The following PHF21A variants were observed in gnomAD, a reference collection of about 807,000 sequenced individuals.
The protein encoded by PHF21A is PHD finger protein 21A.
In PHF21A, 11 loss-of-function variants were observed where a neutral mutation model predicts 82.5. The ratio of observed to expected loss-of-function variants is 0.13; its 90% CI spans 0.08 to 0.22. PHF21A has a LOEUF of 0.22. Ranked by LOEUF, PHF21A falls within the 10% of genes least tolerant of loss-of-function variation. PHF21A has a pLI of 1.00. For missense variants in PHF21A, 579 were observed against 837.8 expected (o/e 0.69, Z 3.81); for synonymous variants, 297 against 302.8 (o/e 0.98, Z 0.20).
At chr11:46,034,801 G>T (rs115749090) in intron 6 of PHF21A, among the ~76,000 whole-genome samples, 4,312 of 152,218 alleles carry the variant, frequency 0.028, 68 homozygotes, top group African/African-American at 0.039. Flanking sequence ...CAGTTTCCCA[G>T]GATATAGTGA....
chr11:46,017,812 A>T (rs1592047521), intron 6 of PHF21A, among the ~76,000 whole-genome samples: 1 of 152,246 alleles, frequency 6.6e-6, no homozygotes, highest in East Asian at 1.9e-4. Flanking sequence ...AGAAAAGGCT[A>T]TCAAACAGCA....
At chr11:46,102,526 A>G (rs1312044287) in intron 1 of PHF21A, among the ~76,000 whole-genome samples, 2 of 152,192 alleles carry the variant, frequency 1.3e-5, no homozygotes, top group Admixed American at 1.3e-4. Context: ...GCAATTCACA[A>G]CACCAAAATT....
chr11:46,084,236 T>C lies in PHF21A; in HGVS notation c.-17A>G, dbSNP rs1228116854. On this transcript the variant is annotated 5_prime_UTR_variant, in exon 4 of 19. Transcript: ENST00000676320. ...CAACTCCATCCTCTACCTTCTCCAC[T>C]TTCTCTGCTAATTCTATAGTTTCTT... 9 of 1,590,216 alleles carry C rather than the reference T, an allele frequency of 5.7e-6. No individual in the cohort carries two copies. The highest frequency in any genetic ancestry group is 1.8e-5 in the Admixed American group (1 of 55,102).
At chr11:46,111,118 G>C (rs1043359488) in intron 1 of PHF21A, among the ~76,000 whole-genome samples, 3 of 151,670 alleles carry the variant, frequency 2.0e-5, no homozygotes, top group African/African-American at 7.3e-5. Flanking sequence ...ACTATGTGGG[G>C]GGGGAGGCTA....
chr11:45,979,191 G>C (rs1392195929), intron 7 of PHF21A, among the ~76,000 whole-genome samples: 2 of 151,826 alleles, frequency 1.3e-5, no homozygotes, highest in African/African-American at 4.8e-5. Context: ...TAATTTTTTT[G>C]TATTTTTAGT....
intron 4 of PHF21A, among the ~76,000 whole-genome samples, chr11:46,082,409 C>T (rs973314107): frequency 6.6e-6 from 1 of 152,100 alleles, no homozygotes; most frequent in African/African-American, 2.4e-5. Flanking sequence ...GATCAACAAT[C>T]GTGTAGGTGA....
chr11:46,073,258 G>A (rs982553435), intron 6 of PHF21A, among the ~76,000 whole-genome samples: 9 of 151,838 alleles, frequency 5.9e-5, no homozygotes, highest in Non-Finnish European at 1.2e-4. Flanking sequence ...AACCCAGGAG[G>A]CGGAGCTTGC....
intron 6 of PHF21A, among the ~76,000 whole-genome samples, chr11:46,075,646 C>G (rs2096716426): frequency 6.6e-6 from 1 of 152,112 alleles, no homozygotes; most frequent in Admixed American, 6.6e-5. Flanking sequence ...GTGGAGAAGA[C>G]AAGATGGGGA....
chr11:46,096,651 C>T (rs1216897610), intron 1 of PHF21A, among the ~76,000 whole-genome samples: 1 of 152,038 alleles, frequency 6.6e-6, no homozygotes, highest in Admixed American at 6.6e-5. Context: ...TTTGCTGGTT[C>T]CTCCTTGCCT....
At chr11:46,108,003 T>A (rs1331680777) in intron 1 of PHF21A, among the ~76,000 whole-genome samples, 1 of 152,206 alleles carries the variant, frequency 6.6e-6, no homozygotes, top group Non-Finnish European at 1.5e-5. Context: ...AGGGTATCTT[T>A]ACGCTGATTA....
At chr11:46,083,231 C>T (rs531752903) in intron 4 of PHF21A, among the ~76,000 whole-genome samples, 103 of 152,060 alleles carry the variant, frequency 6.8e-4, no homozygotes, top group Middle Eastern at 6.8e-3. Context: ...ATAGGGCCAA[C>T]TCTGCAGCGG....
chr11:45,949,646 T>A (rs1263341638), intron 12 of PHF21A, among the ~76,000 whole-genome samples, 165 bp from the exon 13 acceptor site: 1 of 152,236 alleles, frequency 6.6e-6, no homozygotes, highest in Non-Finnish European at 1.5e-5. Flanking sequence ...GAAGCAAATA[T>A]GTAGGACCAT....
intron 6 of PHF21A, among the ~76,000 whole-genome samples, chr11:46,010,005 T>G: frequency 6.6e-6 from 1 of 152,230 alleles, no homozygotes; most frequent in East Asian, 1.9e-4. Context: ...TTATTCCTGC[T>G]TCTATCCCAG....
intron 10 of PHF21A, among the ~76,000 whole-genome samples, chr11:45,955,558 A>G (rs1187030239): frequency 6.6e-6 from 1 of 152,214 alleles, no homozygotes; most frequent in African/African-American, 2.4e-5. Flanking sequence ...TAAAGCAATT[A>G]GCAGCAGTGC....
At chr11:46,108,444 C>T (rs1279841935) in intron 1 of PHF21A, among the ~76,000 whole-genome samples, 1 of 151,982 alleles carries the variant, frequency 6.6e-6, no homozygotes, top group African/African-American at 2.4e-5. Flanking sequence ...TCCAACCTTA[C>T]TCCCACTTCC....
chr11:46,118,729 A>C (rs1307276092), intron 1 of PHF21A: 1 of 152,228 alleles, frequency 6.6e-6, no homozygotes, highest in Admixed American at 6.5e-5. Context: ...GAAGAGAATA[A>C]GAAGGAACTT....
intron 10 of PHF21A, among the ~76,000 whole-genome samples, chr11:45,963,135 G>T (rs1381674510): frequency 6.6e-6 from 1 of 151,972 alleles, no homozygotes; most frequent in South Asian, 2.1e-4. Flanking sequence ...GAAAATATCT[G>T]GGGGCCGGGT....
chr11:46,063,357 A>G (rs1448859714), intron 6 of PHF21A, among the ~76,000 whole-genome samples: 2 of 152,184 alleles, frequency 1.3e-5, no homozygotes, highest in Non-Finnish European at 2.9e-5. Flanking sequence ...ATTTCTCTAG[A>G]GTAAGATTGG....
intron 9 of PHF21A, among the ~76,000 whole-genome samples, chr11:45,969,468 G>A (rs1160672725): frequency 6.6e-6 from 1 of 152,084 alleles, no homozygotes; most frequent in Non-Finnish European, 1.5e-5. Flanking sequence ...ACTCTTTTTG[G>A]CATGTAGGAA....
Sources: gnomAD v4.1 joint callset for allele counts (sites outside exome capture counted in the v4.1 genomes callset) on GRCh38, gnomAD v4.1.1 for gene constraint, MANE v1.5 for transcripts, NCBI Gene and HGNC (gene_info 2026-07-23, HGNC 2026-07-21) for gene names.